The following ATP6V0A4 variants were observed in gnomAD, a reference collection of about 807,000 sequenced individuals.
ATP6V0A4 encodes V-type proton ATPase 116 kDa subunit a 4.
Under a neutral mutation model 107.3 loss-of-function variants are expected in ATP6V0A4, and 86 were observed. The ratio of observed to expected loss-of-function variants is 0.80; its 90% confidence interval spans 0.67 to 0.96. ATP6V0A4 has a LOEUF of 0.96. Ranked by LOEUF, ATP6V0A4 falls within the 40% of genes least tolerant of loss-of-function variation. The pLI, the probability that ATP6V0A4 is intolerant of heterozygous loss-of-function variation, is 0.00. For missense variants in ATP6V0A4, 908 were observed against 1,045.6 expected (o/e 0.87, Z 1.81); for synonymous variants, 353 against 381.4 (o/e 0.93, Z 0.87).
chr7:138,778,007 C>A (rs1411123549), intron 2 of ATP6V0A4, among the ~76,000 whole-genome samples: 5 of 152,148 alleles, frequency 3.3e-5, no homozygotes, highest in Admixed American at 3.3e-4. Flanking sequence ...CTCAGGCACA[C>A]AACACATATT....
intron 1 of ATP6V0A4, among the ~76,000 whole-genome samples, chr7:138,794,851 C>T (rs998247578): frequency 2.0e-5 from 3 of 151,820 alleles, no homozygotes; most frequent in African/African-American, 4.8e-5. Flanking sequence ...ACACACAGCC[C>T]TTTCTTTGGG....
chr7:138,732,887 T>C lies in ATP6V0A4; in HGVS notation c.1898A>G (p.Tyr633Cys). Reference sequence around the variant, plus strand: ...AAATAGCAGAAATACCTGATGTTTGTAGAGGGGTGCGTTGGAAGAGTCACT... The same window carrying C: ...AAATAGCAGAAATACCTGATGTTTGCAGAGGGGTGCGTTGGAAGAGTCACT... ...NYSDSSNAPL[Y>C]KHQQEVQSFF... Residue 633 changes from tyrosine to cysteine, a missense_variant, in exon 17 of 22, where the codon TAC (tyrosine) becomes TGC (cysteine). Transcript: ENST00000310018. 6.2e-7 allele frequency: 1 copy of C among 1,609,042 alleles called. No individual in the cohort carries two copies. Among genetic ancestry groups the C allele is most frequent in the Non-Finnish European group, 8.5e-7 (1 of 1,177,952 alleles).
At chr7:138,769,312 C>CTTTTTTTTTTTTTTTTTTTTCT (rs540481545) in intron 3 of ATP6V0A4, 61 bp from the exon 4 acceptor site, 1 of 1,073,502 alleles carries the variant, frequency 9.3e-7, no homozygotes. Flanking sequence ...AGATTTCTTT[C>CTTTTTTTTTTTTTTTTTTTTCT]TTTTTTTTTT....
intron 2 of ATP6V0A4, chr7:138,780,118 T>C (rs1314583620): frequency 1.3e-5 from 2 of 152,216 alleles, no homozygotes. Flanking sequence ...AGTTTCCCAT[T>C]GACCCTAATT....
At chr7:138,725,396 A>C (rs1439763055) in intron 18 of ATP6V0A4, among the ~76,000 whole-genome samples, 1 of 152,222 alleles carries the variant, frequency 6.6e-6, no homozygotes, top group Non-Finnish European at 1.5e-5. Flanking sequence ...CCCAAAGAAG[A>C]CATTCTGGAT....
At chr7:138,719,588 C>T (rs1356041608) in intron 19 of ATP6V0A4, among the ~76,000 whole-genome samples, 1 of 152,158 alleles carries the variant, frequency 6.6e-6, no homozygotes, top group East Asian at 1.9e-4. Context: ...CCTAGGCTGG[C>T]GATTCTCTGC....
chr7:138,765,799 G>T (rs1807057825), intron 5 of ATP6V0A4, among the ~76,000 whole-genome samples: 1 of 152,124 alleles, frequency 6.6e-6, no homozygotes, highest in African/African-American at 2.4e-5. Context: ...TGTTGCCCAG[G>T]CTAGGGTGCA....
intron 2 of ATP6V0A4, among the ~76,000 whole-genome samples, chr7:138,785,491 G>A (rs1808138528): frequency 6.6e-6 from 1 of 151,878 alleles, no homozygotes. Context: ...TGGCCAGGCT[G>A]GTCTTGAACC....
At chr7:138,787,324 C>T (rs1463413329) in intron 1 of ATP6V0A4, among the ~76,000 whole-genome samples, 1 of 152,134 alleles carries the variant, frequency 6.6e-6, no homozygotes, top group African/African-American at 2.4e-5. Context: ...GGCATAATTC[C>T]CCCAGATTTT....
At chr7:138,753,037 T>G in intron 10 of ATP6V0A4, 200 bp from the exon 11 acceptor site, 1 of 461,400 alleles carries the variant, frequency 2.2e-6, no homozygotes, top group South Asian at 9.3e-5. Flanking sequence ...GCAGAGATTG[T>G]ATCTTCCTTT....
intron 18 of ATP6V0A4, among the ~76,000 whole-genome samples, chr7:138,724,302 A>T (rs999454163): frequency 6.6e-6 from 1 of 152,156 alleles, no homozygotes; most frequent in Non-Finnish European, 1.5e-5. Flanking sequence ...ATGCCATGGC[A>T]GCATGGGAGC....
In ATP6V0A4 at chr7:138,773,045, AG is replaced by A. The variant is rs1313799287; in HGVS notation, c.-17-1782del. The stretch of plus-strand genomic sequence containing the variant: ...CTGCCAAATCACACTTTTTCCCCCC[AG>A]GTCAACCTTCTGGAAGAATTTCCAC... On this transcript the variant is annotated intron_variant, in intron 2 of 21. Coordinates refer to ENST00000310018, the MANE Select transcript of ATP6V0A4 (RefSeq NM_020632.3). This position sits in a 1 kb window ranked among gnomAD's most constrained non-coding sequence, Gnocchi z 5.4. 6.6e-6 allele frequency among the ~76,000 whole-genome samples: 1 copy of A among 152,154 alleles called. No individual in the cohort carries two copies. Among genetic ancestry groups the A allele is most frequent in the African/African-American group, 2.4e-5 (1 of 41,438 alleles).
At chr7:138,733,553 G>A (rs1402863758) in intron 16 of ATP6V0A4, among the ~76,000 whole-genome samples, 4 of 148,454 alleles carry the variant, frequency 2.7e-5, no homozygotes, top group African/African-American at 9.9e-5. Flanking sequence ...GTACAGCCTG[G>A]AAGTTAAGAA....
intron 11 of ATP6V0A4, among the ~76,000 whole-genome samples, chr7:138,750,375 T>C (rs1013477118): frequency 1.3e-5 from 2 of 152,066 alleles, no homozygotes; most frequent in Non-Finnish European, 2.9e-5. Context: ...CACAGCCTCC[T>C]GAGTAGCTGG....
intron 1 of ATP6V0A4, among the ~76,000 whole-genome samples, chr7:138,792,781 G>GTT (rs1808484731): frequency 1.7e-5 from 1 of 58,868 alleles, no homozygotes; most frequent in Non-Finnish European, 3.3e-5. Context: ...TTTTTTTGTT[G>GTT]TTTTGTTTTT....
rs776966607 is a variant in ATP6V0A4 at position 138,732,972 on chromosome 7, C to G, written c.1813G>C (p.Val605Leu). The G allele has an allele frequency of 6.2e-7, 1 of 1,613,478 alleles. No homozygotes were observed. ...AGGATGCTGGGGGCGTGCTGAGATA[C>G]ATGGACGTCAAAGCAGCACCATTTG... The part of the protein sequence containing the change: ...IFKWCCFDVH[V>L]SQHAPSILIH... The change falls in exon 17 of 22, where the codon GTA (valine) becomes CTA (leucine). Residue 605 changes from valine (V) to leucine (L), a missense_variant. By Grantham distance (32) the Val-to-Leu change is conservative. Transcript: ENST00000310018.
rs139524522 is a variant in ATP6V0A4 at position 138,775,495 on chromosome 7, G to A, written c.-17-4231C>T. On this transcript the variant is annotated intron_variant, in intron 2 of 21. Transcript: ENST00000310018. ...GTCTGTGATTTGCATTTTTTTTTAA[G>A]AGGCAGGGTCTTGCTCTGTTGTCCA... is the stretch of plus-strand genomic sequence containing the variant. Among the ~76,000 whole-genome samples the A allele has an allele frequency of 1.8e-3, 275 of 151,840 alleles. 1 individual carries two copies. Among genetic ancestry groups the A allele is most frequent in the African/African-American group, 6.5e-3 (268 of 41,392 alleles).
chr7:138,725,671 G>A (rs904525889), intron 18 of ATP6V0A4, among the ~76,000 whole-genome samples: 1 of 151,870 alleles, frequency 6.6e-6, no homozygotes, highest in African/African-American at 2.4e-5. Flanking sequence ...TCACCACCAC[G>A]CCGGCTAATT....
intron 5 of ATP6V0A4, among the ~76,000 whole-genome samples, chr7:138,767,602 C>T (rs901271980): frequency 2.0e-5 from 3 of 150,860 alleles, no homozygotes; most frequent in Non-Finnish European, 4.4e-5. Flanking sequence ...AAGATTTATA[C>T]TACTCATGGC....
Sources: gnomAD v4.1 joint callset for allele counts (sites outside exome capture counted in the v4.1 genomes callset) on GRCh38, gnomAD v4.1.1 for gene constraint, Gnocchi (gnomAD v3.1) non-coding constraint, MANE v1.5 for transcripts, NCBI Gene and HGNC (gene_info 2026-07-23, HGNC 2026-07-21) for gene names.